Variants in MYO10 observed in about 807,000 individuals in gnomAD.
MYO10 encodes the protein unconventional myosin-X.
A neutral mutation model predicts 257.3 loss-of-function variants in MYO10; 133 were observed. That is an observed-to-expected ratio of 0.52 (90% confidence interval 0.45 to 0.60). The LOEUF (loss-of-function observed/expected upper bound fraction) is 0.60, where lower values mean the gene tolerates loss of function less well. Among genes scored for constraint, MYO10 ranks in the 20% least tolerant of loss-of-function variants. The pLI is 0.00. For missense variants in MYO10, 2,399 were observed against 2,635.7 expected, an observed-to-expected ratio of 0.91 and a Z score of 1.97; for synonymous variants, 1,104 against 1,028.6, an observed-to-expected ratio of 1.07 and a Z score of -1.40.
intron 2 of MYO10, among the ~76,000 whole-genome samples, chr5:16,849,914 T>C (rs994094252): frequency 6.6e-6 from 1 of 152,178 alleles, no homozygotes; most frequent in Non-Finnish European, 1.5e-5. Context: ...CAAAAAGCCA[T>C]TTTGCGCTGT....
At chr5:16,827,604 C>T (rs1471665) in intron 2 of MYO10, among the ~76,000 whole-genome samples, 3,286 of 152,202 alleles carry the variant, frequency 0.022, 103 homozygotes, top group African/African-American at 0.074. Context: ...TCTTTATATA[C>T]GTAACTCTTC....
At chr5:16,757,462 T>C (rs1248978833) in intron 18 of MYO10, among the ~76,000 whole-genome samples, 1 of 152,042 alleles carries the variant, frequency 6.6e-6, no homozygotes, top group Admixed American at 6.6e-5. Context: ...ATCAGTCTCA[T>C]CTAACCAGGG....
rs1227365910 is a variant in MYO10, at chr5:16,862,593, T to C, written c.120+15016A>G. Among the ~76,000 whole-genome samples, 3 of 152,198 alleles carry C rather than the reference T, an allele frequency of 2.0e-5. No individual in the cohort carries two copies. In the East Asian group the frequency reaches 5.8e-4, roughly 29 times the overall value. On this transcript the variant is annotated intron_variant, in intron 2 of 40. Transcript: ENST00000513610. ...ATAATTTTATTATACAACAAAAGCATAGTATTTATTTAAGCATTCAAATAA... is the reference window on the plus strand; with the variant it reads ...ATAATTTTATTATACAACAAAAGCACAGTATTTATTTAAGCATTCAAATAA...
Position 16,877,668 on chromosome 5 carries a change from GA to G in MYO10, c.60del (p.Pro21GlnfsTer4). ...TCTGCACAGGAATTTACAGTACTTG[GA>G]AAATGCTGGCCATTTTCTCTCAGCC... is the stretch of plus-strand genomic sequence containing the variant. The part of the protein sequence containing the change: ...RVWLRENGQH[F>X]PSTVNSCAEG... On this transcript the variant is annotated frameshift_variant, in exon 2 of 41. Transcript: ENST00000513610. LOFTEE classifies it high-confidence loss of function. The G allele has an allele frequency of 6.2e-7, 1 of 1,613,698 alleles. No individual in the cohort carries two copies.
At chr5:16,686,660 G>A (rs572502795) in intron 28 of MYO10, among the ~76,000 whole-genome samples, 2 of 151,964 alleles carry the variant, frequency 1.3e-5, no homozygotes, top group South Asian at 4.2e-4. Context: ...TCAGCCTCTC[G>A]AGTAGCTGGG....
chr5:16,854,283 CT>C (rs1191045723), intron 2 of MYO10, among the ~76,000 whole-genome samples: 8 of 152,126 alleles, frequency 5.3e-5, no homozygotes, highest in Non-Finnish European at 1.5e-5. Context: ...TAGGTTTTAT[CT>C]TTTTCTTTTC....
In MYO10 at chr5:16,708,666, A is replaced by G. The variant is rs140068196; in HGVS notation, c.2169+2242T>C. Reference sequence around the variant, plus strand: ...AGTCTTGACCTCCTGGGTTCGAGCAATCCTCCCACTCTAGCCACGCGAGTA... The same window carrying G: ...AGTCTTGACCTCCTGGGTTCGAGCAGTCCTCCCACTCTAGCCACGCGAGTA... On this transcript the variant is annotated intron_variant, in intron 21 of 40. Transcript: ENST00000513610. 3.7e-4 allele frequency among the ~76,000 whole-genome samples: 57 copies of G among 152,180 alleles called. 1 individual carries two copies. The East Asian group carries it at 6.6e-3, about 18-fold the overall frequency.
intron 3 of MYO10, chr5:16,815,181 G>GT (rs1290961916): frequency 1.0e-5 from 4 of 395,854 alleles, no homozygotes; most frequent in African/African-American, 4.2e-5. Context: ...ACAAACTTGT[G>GT]TTTTTTCTCT....
At chr5:16,867,254 A>G (rs781175460) in intron 2 of MYO10, among the ~76,000 whole-genome samples, 5 of 152,118 alleles carry the variant, frequency 3.3e-5, no homozygotes, top group Admixed American at 1.3e-4. Flanking sequence ...TAGTTGCCCA[A>G]TTCTTCCTAA....
rs75659726 is a variant in MYO10 at position 16,826,580 on chromosome 5, C to T, written c.121-8413G>A. 5.6e-3 allele frequency among the ~76,000 whole-genome samples: 856 copies of T among 152,262 alleles called. 10 individuals carry two copies. The highest frequency in any genetic ancestry group is 0.019 in the African/African-American group (776 of 41,554). ...CACACTCTCCGGAACAGCTCCTGTGCGGGAGGAAGGAGCGGGCAAAGGGAG... is the reference window on the plus strand; with the variant it reads ...CACACTCTCCGGAACAGCTCCTGTGTGGGAGGAAGGAGCGGGCAAAGGGAG... On this transcript the variant is annotated intron_variant, in intron 2 of 40. Transcript: ENST00000513610.
chr5:16,746,623 T>C lies in MYO10; in HGVS notation c.1929+8205A>G, dbSNP rs1330414128. On this transcript the variant is annotated intron_variant, in intron 19 of 40. Transcript: ENST00000513610. ...GAGTTGAAATATCACACTACAGATT[T>C]ACCAGTGAAACAGAAAGTTATTTTA... 2.6e-5 allele frequency among the ~76,000 whole-genome samples: 4 copies of C among 152,226 alleles called. No homozygotes were observed. In the South Asian group the frequency reaches 6.2e-4, roughly 24 times the overall value.
chr5:16,773,647 G>A (rs1192201897), intron 9 of MYO10, among the ~76,000 whole-genome samples: 1 of 136,756 alleles, frequency 7.3e-6, no homozygotes, highest in African/African-American at 2.7e-5. Context: ...GGGCAACAGA[G>A]TGAGACCTTG....
chr5:16,734,330 T>A (rs1739702769), intron 19 of MYO10, among the ~76,000 whole-genome samples: 1 of 152,178 alleles, frequency 6.6e-6, no homozygotes, highest in Non-Finnish European at 1.5e-5. Flanking sequence ...CTTCCATGAA[T>A]TTGATATTCC....
chr5:16,836,566 C>T lies in MYO10; in HGVS notation c.121-18399G>A, dbSNP rs542253403. On this transcript the variant is annotated intron_variant, in intron 2 of 40. Transcript: ENST00000513610. ...TGACGGACATGCACCAAGGGGTATACAGCCCCCACCTTGCGGATATCTGAA... is the reference window on the plus strand; with the variant it reads ...TGACGGACATGCACCAAGGGGTATATAGCCCCCACCTTGCGGATATCTGAA... 2.6e-5 allele frequency among the ~76,000 whole-genome samples: 4 copies of T among 152,270 alleles called. No individual in the cohort carries two copies. In the South Asian group the frequency reaches 8.3e-4, roughly 32 times the overall value.
intron 2 of MYO10, among the ~76,000 whole-genome samples, chr5:16,846,250 G>T (rs1201750451): frequency 6.6e-6 from 1 of 152,174 alleles, no homozygotes; most frequent in African/African-American, 2.4e-5. Context: ...CCGTCTCTAA[G>T]TACCATGAGA....
chr5:16,771,038 G>A (rs903064934), intron 9 of MYO10, among the ~76,000 whole-genome samples: 2 of 152,154 alleles, frequency 1.3e-5, no homozygotes, highest in Admixed American at 6.6e-5. Flanking sequence ...AAAGTGCCAG[G>A]ATTACAGGTG....
chr5:16,795,552 G>A (rs385552), intron 3 of MYO10, among the ~76,000 whole-genome samples: 74,224 of 151,604 alleles, frequency 0.49, 18,723 homozygotes, highest in South Asian at 0.62. Flanking sequence ...AGTGACCCGA[G>A]ATAGTGCTAC....
intron 27 of MYO10, among the ~76,000 whole-genome samples, chr5:16,690,589 C>A (rs1737455000): frequency 6.6e-6 from 1 of 152,090 alleles, no homozygotes; most frequent in African/African-American, 2.4e-5. Flanking sequence ...GCAGCAGCCC[C>A]CACTCCTGCC....
intron 2 of MYO10, 80 bp downstream of exon 2, chr5:16,877,529 G>A (rs1744639057): frequency 2.8e-6 from 3 of 1,065,970 alleles, no homozygotes; most frequent in Non-Finnish European, 2.9e-6. Context: ...TGTGTAGGGG[G>A]GCCAAGCACA....
Sources: gnomAD v4.1 joint callset for allele counts (sites outside exome capture counted in the v4.1 genomes callset) on GRCh38, gnomAD v4.1.1 for gene constraint, MANE v1.5 for transcripts, NCBI Gene and HGNC (gene_info 2026-07-23, HGNC 2026-07-21) for gene names.